The following RFX2 variants were observed in gnomAD, a reference collection of about 807,000 sequenced individuals.
RFX2 encodes the protein DNA-binding protein RFX2.
A neutral mutation model predicts 87.8 loss-of-function variants in RFX2; 20 were observed. The observed-to-expected ratio is 0.23, with a 90% confidence interval of 0.16 to 0.33. The LOEUF is 0.33. Among genes scored for constraint, RFX2 ranks in the 10% least tolerant of loss-of-function variants. RFX2 has a pLI of 1.00. For missense variants in RFX2, 767 were observed against 1,012.3 expected (o/e 0.76, Z 3.29); for synonymous variants, 397 against 431.3 (o/e 0.92, Z 0.98).
At chr19:6,055,619 T>A (rs1026706033) in intron 1 of RFX2, among the ~76,000 whole-genome samples, 2 of 152,274 alleles carry the variant, frequency 1.3e-5, no homozygotes, top group African/African-American at 4.8e-5. Context: ...AGACAGGGTT[T>A]CACCATGTTG....
At chr19:6,095,494 T>C (rs73549979) in intron 1 of RFX2, among the ~76,000 whole-genome samples, 2,674 of 152,034 alleles carry the variant, frequency 0.018, 91 homozygotes, top group African/African-American at 0.062. Context: ...AGGTAACAGG[T>C]GCAGACTCCA....
intron 1 of RFX2, chr19:6,049,355 G>T (rs960913237): frequency 1.3e-5 from 2 of 152,126 alleles, no homozygotes; most frequent in Non-Finnish European, 2.9e-5. Flanking sequence ...TTGTTCCGCA[G>T]GTGGAAATAA....
chr19:6,033,347 C>G (rs1271685580), intron 5 of RFX2, among the ~76,000 whole-genome samples: 1 of 152,120 alleles, frequency 6.6e-6, no homozygotes, highest in Non-Finnish European at 1.5e-5. Context: ...CTCAAGAGAT[C>G]CATCAGTAGC....
intron 1 of RFX2, among the ~76,000 whole-genome samples, chr19:6,065,357 G>GA (rs896166290): frequency 1.3e-5 from 2 of 151,996 alleles, no homozygotes; most frequent in African/African-American, 2.4e-5. Flanking sequence ...GCCTTTTTAA[G>GA]AAAAAAAGGC....
At chr19:6,100,473 T>C (rs1421735826) in intron 1 of RFX2, among the ~76,000 whole-genome samples, 4 of 152,104 alleles carry the variant, frequency 2.6e-5, no homozygotes, top group Non-Finnish European at 5.9e-5. Flanking sequence ...AGGAAGTGAT[T>C]AGGCAGGAGG....
Position 6,093,070 on chromosome 19 carries a change from G to A in RFX2, c.-9+17323C>T, listed in dbSNP as rs1379790857. On this transcript the variant is annotated intron_variant, in intron 1 of 17. Coordinates refer to ENST00000303657, the MANE Select transcript of RFX2 (RefSeq NM_000635.4). ...GTCACCTTTATAGTAGGAATGGAGC[G>A]CAGATGTAAGTGGCGGCAAGCTAAC... is the stretch of plus-strand genomic sequence containing the variant. Among the ~76,000 whole-genome samples the A allele has an allele frequency of 4.6e-5, 7 of 152,266 alleles. No homozygotes were observed. In the East Asian group the frequency reaches 9.7e-4, roughly 21 times the overall value.
rs531388851 is a variant in RFX2, at chr19:6,071,394, G to A, written c.-8-23890C>T. Among the ~76,000 whole-genome samples the A allele has an allele frequency of 5.7e-4, 87 of 152,282 alleles. 1 individual carries two copies. The Middle Eastern group carries it at 0.034, about 60-fold the overall frequency. On this transcript the variant is annotated intron_variant, in intron 1 of 17. Coordinates refer to ENST00000303657, the MANE Select transcript of RFX2 (RefSeq NM_000635.4). ...ATCCTGTCGGTACTTTTAAGTGATC[G>A]TCTATCTTTGAGGCACAGACATATC...
chr19:6,100,310 G>A (rs2144903988), intron 1 of RFX2, among the ~76,000 whole-genome samples: 1 of 152,264 alleles, frequency 6.6e-6, no homozygotes, highest in East Asian at 1.9e-4. Flanking sequence ...TTGTCCGTTT[G>A]GCTAACAAAA....
rs920004921 is a variant in RFX2 at position 6,110,191 on chromosome 19, A to T, written c.-9+202T>A. On this transcript the variant is annotated intron_variant, in intron 1 of 17. Coordinates refer to ENST00000303657, the MANE Select transcript of RFX2 (RefSeq NM_000635.4). This position sits in a 1 kb window ranked among gnomAD's most constrained non-coding sequence, Gnocchi z 4.3. ...CCTCCCCCGCGTTCAGTCAATAAGG[A>T]AAGTGGGGACGTCGCCAGGGTCCCC... 9.2e-5 allele frequency among the ~76,000 whole-genome samples: 14 copies of T among 151,508 alleles called. No homozygotes were observed. The highest frequency in any genetic ancestry group is 1.6e-4 in the Non-Finnish European group (11 of 67,868).
rs1254674824 is a variant in RFX2, at chr19:6,020,490, T to C, written c.598-4219A>G. 1 of 152,220 alleles carries C rather than the reference T, an allele frequency of 6.6e-6. No homozygotes were observed. The highest frequency in any genetic ancestry group is 1.5e-5 in the Non-Finnish European group (1 of 68,060). The allele number at this position is 152,220 out of a possible 1,614,324, so 9.4% of individuals were successfully genotyped here. On this transcript the variant is annotated intron_variant, in intron 6 of 17. Coordinates refer to ENST00000303657, the MANE Select transcript of RFX2 (RefSeq NM_000635.4). The surrounding 1 kb of genome is among the most constrained non-coding windows in gnomAD (Gnocchi z 5.3). ...GAGGAGAATGGGGTTAGAACCGAAG[T>C]ATGGCTTGCAGACTCTGTTCAGGGT... is the stretch of plus-strand genomic sequence containing the variant.
intron 1 of RFX2, among the ~76,000 whole-genome samples, chr19:6,091,699 G>A (rs141277018): frequency 3.9e-5 from 6 of 152,334 alleles, no homozygotes; most frequent in East Asian, 1.9e-4. Flanking sequence ...AACAATATCT[G>A]TTGGACACGA....
chr19:6,069,412 C>A (rs879466584), intron 1 of RFX2, among the ~76,000 whole-genome samples: 2 of 152,046 alleles, frequency 1.3e-5, no homozygotes, highest in Non-Finnish European at 2.9e-5. Flanking sequence ...ATGGCTGGAG[C>A]CATCAGTGTA....
At chr19:6,052,640 G>A (rs2087281624) in intron 1 of RFX2, among the ~76,000 whole-genome samples, 1 of 152,100 alleles carries the variant, frequency 6.6e-6, no homozygotes, top group Admixed American at 6.5e-5. Flanking sequence ...CATGTTCTGG[G>A]CCATAAAATA....
chr19:6,108,836 C>T lies in RFX2; in HGVS notation c.-9+1557G>A, dbSNP rs112598845. Reference sequence around the variant, plus strand: ...CGCGCCGGCAGCCGCCAGAATGGCCCGGGCGCTTGGGGCCCTCGGGGGCCC... The same window carrying T: ...CGCGCCGGCAGCCGCCAGAATGGCCTGGGCGCTTGGGGCCCTCGGGGGCCC... On this transcript the variant is annotated intron_variant, in intron 1 of 17. Transcript: ENST00000303657. Among the ~76,000 whole-genome samples the T allele has an allele frequency of 3.2e-3, 491 of 152,250 alleles. 3 individuals are homozygous for T. The highest frequency in any genetic ancestry group is 0.011 in the African/African-American group (464 of 41,540).
In RFX2 at chr19:6,002,464, A is replaced by G. The variant is rs150241276; in HGVS notation, c.1650+257T>C. On this transcript the variant is annotated intron_variant, in intron 14 of 17. Coordinates refer to ENST00000303657, the MANE Select transcript of RFX2 (RefSeq NM_000635.4). The surrounding 1 kb of genome is among the most constrained non-coding windows in gnomAD (Gnocchi z 6.7). ...GTCAACGTGGTGCCACGATCCTGGA[A>G]GCTGGGGGCCTTTGTGAGGAAAATG... Among the ~76,000 whole-genome samples the G allele has an allele frequency of 1.9e-3, 291 of 152,338 alleles. 3 individuals are homozygous for G. The highest frequency in any genetic ancestry group is 6.8e-3 in the African/African-American group (283 of 41,592).
intron 1 of RFX2, chr19:6,078,373 G>C (rs930916851): frequency 1.3e-5 from 2 of 149,342 alleles, no homozygotes; most frequent in Non-Finnish European, 3.0e-5. Context: ...TTGACGACCT[G>C]TCCCCAGTGG....
intron 3 of RFX2, among the ~76,000 whole-genome samples, chr19:6,043,414 A>C (rs192063621): frequency 5.9e-5 from 9 of 152,344 alleles, no homozygotes; most frequent in Admixed American, 5.9e-4. Flanking sequence ...GACCCTCCTG[A>C]AGAGCGGTGC....
At chr19:6,067,098 G>A (rs940089465) in intron 1 of RFX2, among the ~76,000 whole-genome samples, 1 of 152,188 alleles carries the variant, frequency 6.6e-6, no homozygotes, top group Admixed American at 6.5e-5. Flanking sequence ...GGCATCACAG[G>A]AGGGATTTCA....
At chr19:6,052,809 C>A (rs1488674626) in intron 1 of RFX2, among the ~76,000 whole-genome samples, 2 of 151,880 alleles carry the variant, frequency 1.3e-5, no homozygotes, top group Non-Finnish European at 2.9e-5. Context: ...AAATAATAAA[C>A]CCCAAAGAAA....
Sources: gnomAD v4.1 joint callset for allele counts (sites outside exome capture counted in the v4.1 genomes callset) on GRCh38, gnomAD v4.1.1 for gene constraint, Gnocchi (gnomAD v3.1) non-coding constraint, MANE v1.5 for transcripts, NCBI Gene and HGNC (gene_info 2026-07-23, HGNC 2026-07-21) for gene names.